Variants in CREB1 observed in about 807,000 individuals in gnomAD.
CREB1 encodes the protein cyclic AMP-responsive element-binding protein 1.
In CREB1, 2 loss-of-function variants were observed where a neutral mutation model predicts 42.0. That is an observed-to-expected ratio of 0.05 (90% CI 0.02 to 0.15). CREB1 has a LOEUF of 0.15. Among genes scored for constraint, CREB1 ranks in the 10% least tolerant of loss-of-function variants. The pLI, the probability that CREB1 is intolerant of heterozygous loss-of-function variation, is 1.00. For missense variants in CREB1, 199 were observed against 388.9 expected, an observed-to-expected ratio of 0.51 and a Z score of 4.11; for synonymous variants, 123 against 139.9, an observed-to-expected ratio of 0.88 and a Z score of 0.85.
At chr2:207,549,563 A>G (rs1420309730) in intron 1 of CREB1, among the ~76,000 whole-genome samples, 1 of 152,224 alleles carries the variant, frequency 6.6e-6, no homozygotes, top group Non-Finnish European at 1.5e-5. Context: ...AGACATTTGA[A>G]GGATGTAAGA....
intron 7 of CREB1, chr2:207,582,791 G>A: frequency 3.6e-6 from 1 of 276,984 alleles, no homozygotes; most frequent in South Asian, 3.1e-5. Context: ...TACTCAGGCG[G>A]CTGAGGCAGA....
intron 6 of CREB1, chr2:207,576,958 T>C: frequency 1.1e-6 from 1 of 871,606 alleles, no homozygotes; most frequent in Non-Finnish European, 1.4e-6. Flanking sequence ...AATATGTTTT[T>C]CAAATAATAT....
chr2:207,592,656 C>T (rs2085284682), intron 7 of CREB1, among the ~76,000 whole-genome samples: 1 of 152,058 alleles, frequency 6.6e-6, no homozygotes, highest in Non-Finnish European at 1.5e-5. Flanking sequence ...TGCAGTGGCT[C>T]ACGCATGTAA....
At chr2:207,557,011 C>T (rs933542706) in intron 2 of CREB1, among the ~76,000 whole-genome samples, 9 of 152,126 alleles carry the variant, frequency 5.9e-5, no homozygotes, top group Non-Finnish European at 1.0e-4. Context: ...GTAGCACACA[C>T]CTGTAAATCC....
chr2:207,555,566 C>G, intron 1 of CREB1, 62 bp from the exon 2 acceptor site: 3 of 1,049,064 alleles, frequency 2.9e-6, no homozygotes, highest in Non-Finnish European at 4.3e-6. Context: ...TGAAATTTGC[C>G]TTTAAAGTCA....
chr2:207,575,126 T>C, intron 5 of CREB1, 146 bp from the exon 6 acceptor site: 2 of 689,988 alleles, frequency 2.9e-6, no homozygotes, highest in East Asian at 5.3e-5. Flanking sequence ...AGGAGCAAGT[T>C]ACTTGAATAT....
intron 1 of CREB1, among the ~76,000 whole-genome samples, chr2:207,531,183 C>T (rs982126534): frequency 2.6e-5 from 4 of 152,040 alleles, no homozygotes; most frequent in Admixed American, 1.3e-4. Context: ...GAGTATCAGC[C>T]GATGTACTCT....
At chr2:207,588,105 G>T in intron 7 of CREB1, among the ~76,000 whole-genome samples, 1 of 148,200 alleles carries the variant, frequency 6.7e-6, no homozygotes, top group African/African-American at 2.5e-5. Flanking sequence ...AAGGAAAAAA[G>T]AATTCTTTGC....
At position 207,588,892 on chromosome 2, in the gene CREB1, G is replaced by GT. The variant is rs1007968392; in HGVS notation, c.840-8022_840-8021insT. On this transcript the variant is annotated intron_variant, in intron 7 of 7. Coordinates refer to ENST00000353267, the MANE Select transcript of CREB1 (RefSeq NM_004379.5). ...TTATTAGTTCTAGGAGCTTTGTCGG[G>GT]GGGGGTGTAGATTCTTTGGGATTCT... Among the ~76,000 whole-genome samples, 11 of 144,320 alleles carry GT rather than the reference G, an allele frequency of 7.6e-5. 1 individual carries two copies. Among genetic ancestry groups the GT allele is most frequent in the African/African-American group, 2.8e-4 (11 of 39,402 alleles). The allele number at this position is 144,320 out of a possible 152,430, so 94.7% of individuals were successfully genotyped here.
At chr2:207,552,771 C>T (rs566029314) in intron 1 of CREB1, among the ~76,000 whole-genome samples, 6 of 152,000 alleles carry the variant, frequency 3.9e-5, no homozygotes, top group South Asian at 2.1e-4. Flanking sequence ...CCTGCCACCA[C>T]GCCCAGCTAA....
chr2:207,597,224 T>G lies in CREB1; in HGVS notation c.*166T>G. 2.8e-6 allele frequency: 2 copies of G among 709,822 alleles called. No homozygotes were observed. The highest frequency in any genetic ancestry group is 4.3e-6 in the Non-Finnish European group (2 of 468,846). 44.0% of individuals were successfully genotyped at this position (709,822 alleles called of 1,614,324 possible). On this transcript the variant is annotated 3_prime_UTR_variant, in exon 8 of 8. Coordinates refer to ENST00000353267, the MANE Select transcript of CREB1 (RefSeq NM_004379.5). ...ATTCATTTGTGCTTTTGCATTAAAC[T>G]GTGAATGTTCCAACACCTGCCTCCA...
At position 207,603,213 on chromosome 2, in the gene CREB1, ACT is replaced by A. The variant is rs1227704744; in HGVS notation, c.*6156_*6157del. ...GCTTTATGTGTAAAGAAAAAAATGTACTGAGTTACAATGCATTTTATTAACAC... is the reference window on the plus strand; with the variant it reads ...GCTTTATGTGTAAAGAAAAAAATGTAGAGTTACAATGCATTTTATTAACAC... On this transcript the variant is annotated 3_prime_UTR_variant, in exon 8 of 8. Coordinates refer to ENST00000353267, the MANE Select transcript of CREB1 (RefSeq NM_004379.5). 1.8e-5 allele frequency: 4 copies of A among 217,168 alleles called. No individual in the cohort carries two copies. The highest frequency in any genetic ancestry group is 3.7e-5 in the Non-Finnish European group (4 of 108,030). 13.5% of individuals were successfully genotyped at this position (217,168 alleles called of 1,614,324 possible).
At chr2:207,540,669 TAA>T (rs35714520) in intron 1 of CREB1, among the ~76,000 whole-genome samples, 10,461 of 64,526 alleles carry the variant, frequency 0.16, 650 homozygotes, top group Middle Eastern at 0.25. Flanking sequence ...GTTTAAAAAG[TAA>T]AAAAAAAAAA....
intron 1 of CREB1, among the ~76,000 whole-genome samples, chr2:207,539,700 C>T (rs893076419): frequency 6.6e-6 from 1 of 152,068 alleles, no homozygotes; most frequent in Non-Finnish European, 1.5e-5. Flanking sequence ...AGAGTTTTTA[C>T]TGTCTTGAAG....
rs534786740 is a variant in CREB1, at chr2:207,601,420, A to G, written c.*4362A>G. 1 of 188,842 alleles carries G rather than the reference A, an allele frequency of 5.3e-6. No homozygotes were observed. Among genetic ancestry groups the G allele is most frequent in the South Asian group, 1.9e-4 (1 of 5,136 alleles). The allele number at this position is 188,842 out of a possible 1,614,324, so 11.7% of individuals were successfully genotyped here. ...TAGCACCTAAAAGCTAGCCTTAAAA[A>G]CAGCTGTAAAAGAAAAACATCAGGA... is the stretch of plus-strand genomic sequence containing the variant. On this transcript the variant is annotated 3_prime_UTR_variant, in exon 8 of 8. Coordinates refer to ENST00000353267, the MANE Select transcript of CREB1 (RefSeq NM_004379.5).
In CREB1 at chr2:207,600,557, A is replaced by AT. The variant is rs2086876677; in HGVS notation, c.*3500dup. The stretch of plus-strand genomic sequence containing the variant: ...TTTGTATGCTTTGTCTGTGGCAGCT[A>AT]TAACAGTGGTAAGAACATTTTGAAG... On this transcript the variant is annotated 3_prime_UTR_variant, in exon 8 of 8. Coordinates refer to ENST00000353267, the MANE Select transcript of CREB1 (RefSeq NM_004379.5). The AT allele has an allele frequency of 9.5e-6, 2 of 211,382 alleles. No individual in the cohort carries two copies. Among genetic ancestry groups the AT allele is most frequent in the Non-Finnish European group, 1.9e-5 (2 of 104,256 alleles). 13.1% of individuals were successfully genotyped at this position (211,382 alleles called of 1,614,324 possible). A position where few individuals can be genotyped will look rare whatever the true frequency, so the allele number is the denominator to read the frequency against.
chr2:207,558,422 C>T (rs2081819387), intron 2 of CREB1, among the ~76,000 whole-genome samples: 1 of 152,174 alleles, frequency 6.6e-6, no homozygotes, highest in African/African-American at 2.4e-5. Context: ...GGGTCATCTG[C>T]AGTTCCTCTC....
intron 7 of CREB1, among the ~76,000 whole-genome samples, chr2:207,593,314 C>T (rs1256862927): frequency 2.0e-5 from 3 of 152,066 alleles, no homozygotes; most frequent in Non-Finnish European, 4.4e-5. Flanking sequence ...TAGCTTGAGC[C>T]CAGGAATTCA....
intron 7 of CREB1, among the ~76,000 whole-genome samples, chr2:207,587,332 G>T (rs1172237019): frequency 1.3e-5 from 2 of 151,296 alleles, no homozygotes; most frequent in Non-Finnish European, 2.9e-5. Context: ...GGCAGAGCTT[G>T]CAGTGAGCCG....
Sources: allele counts gnomAD v4.1 joint callset (sites outside exome capture counted in the v4.1 genomes callset), GRCh38; gene constraint gnomAD v4.1.1; transcripts MANE v1.5; gene names NCBI Gene and HGNC (gene_info 2026-07-23, HGNC 2026-07-21).